The following NAA30 variants were observed in gnomAD, a reference collection of about 807,000 sequenced individuals.
NAA30 encodes the protein N-alpha-acetyltransferase 30, NatC catalytic subunit, also known as N-alpha-acetyltransferase 30.
NAA30 carries 5 observed loss-of-function variants against 31.4 expected under a neutral mutation model. The observed-to-expected ratio is 0.16, with a 90% CI of 0.08 to 0.33. The LOEUF (loss-of-function observed/expected upper bound fraction) is 0.33, where lower values mean the gene tolerates loss of function less well. NAA30 is among the 10% of genes least tolerant of loss of function. The pLI is 1.00. For synonymous variants in NAA30, 222 were observed against 207.1 expected (o/e 1.07, Z -0.62); for missense variants, 428 against 490.8 (o/e 0.87, Z 1.21).
chr14:57,409,082 TC>T (rs1161660884), intron 4 of NAA30, among the ~76,000 whole-genome samples: 1 of 152,152 alleles, frequency 6.6e-6, no homozygotes, highest in African/African-American at 2.4e-5. Flanking sequence ...ATTTTACCTT[TC>T]CCCACAGGGA....
rs1385193894 is a variant in NAA30 at position 57,415,243 on chromosome 14, CTT to C, written c.*5730_*5731del. On this transcript the variant is annotated 3_prime_UTR_variant, in exon 5 of 5. Transcript: ENST00000556492. ...AAATTTCTTAAAAACGTTTATAAGA[CTT>C]TTCTGGTCTCCTTGACCGAGGGATT... 6 of 152,178 alleles carry C rather than the reference CTT, an allele frequency of 3.9e-5. No homozygotes were observed. The highest frequency in any genetic ancestry group is 1.4e-4 in the African/African-American group (6 of 41,438). 9.4% of individuals were successfully genotyped at this position (152,178 alleles called of 1,614,324 possible). A position where few individuals can be genotyped will look rare whatever the true frequency, so the allele number is the denominator to read the frequency against.
At position 57,391,069 on chromosome 14, in the gene NAA30, T is replaced by C. The variant is rs1343848716; in HGVS notation, c.112T>C (p.Cys38Arg). ...CCCGGCGGGGGCCGCCCTCGCCTGC[T>C]GCAGCGAGGACGAGGAGGACGACGA... ...PFPAGAALAC[C>R]SEDEEDDEEH... Residue 38 changes from cysteine (C) to arginine (R), a missense_variant, in exon 2 of 5, where the codon TGC becomes CGC. Cys to Arg is a radical substitution (Grantham distance 180, BLOSUM62 -3). Around this residue, in one of 2 missense-constraint regions of NAA30, gnomAD observed 349 missense variants for 310.4 expected, o/e 1.12. Transcript: ENST00000556492. The surrounding 1 kb of genome is among the most constrained non-coding windows in gnomAD (Gnocchi z 4.1). 2 of 1,533,354 alleles carry C rather than the reference T, an allele frequency of 1.3e-6. No homozygotes were observed. Among genetic ancestry groups the C allele is most frequent in the Non-Finnish European group, 1.7e-6 (2 of 1,145,496 alleles). The allele number at this position is 1,533,354 out of a possible 1,614,324, so 95.0% of individuals were successfully genotyped here. A position where few individuals can be genotyped will look rare whatever the true frequency, so the allele number is the denominator to read the frequency against.
Position 57,391,833 on chromosome 14 carries a change from T to TCA in NAA30, c.771+106_771+107dup. 1.2e-6 allele frequency: 1 copy of TCA among 831,328 alleles called. No individual in the cohort carries two copies. The highest frequency in any genetic ancestry group is 1.9e-6 in the Non-Finnish European group (1 of 520,918). 51.5% of individuals were successfully genotyped at this position (831,328 alleles called of 1,614,324 possible). ...GGCAGTGGATATCTCCTGCTGCGTA[T>TCA]CATAGTACGTTATATGATGTCAAGT... On this transcript the variant is annotated intron_variant, in intron 2 of 4. Coordinates refer to ENST00000556492, the MANE Select transcript of NAA30 (RefSeq NM_001011713.3). The surrounding 1 kb of genome is among the most constrained non-coding windows in gnomAD (Gnocchi z 4.1).
chr14:57,406,432 C>A (rs1223991141), intron 4 of NAA30, among the ~76,000 whole-genome samples: 1 of 152,142 alleles, frequency 6.6e-6, no homozygotes, highest in Non-Finnish European at 1.5e-5. Flanking sequence ...GGGGGAGGTA[C>A]AGTAGAGTAG....
intron 3 of NAA30, among the ~76,000 whole-genome samples, chr14:57,398,963 G>A (rs1039606312): frequency 1.3e-5 from 2 of 151,802 alleles, no homozygotes; most frequent in African/African-American, 2.4e-5. Flanking sequence ...GTAGAGATGG[G>A]GTTTTGCCAT....
chr14:57,400,634 C>T (rs1478046807), intron 4 of NAA30, among the ~76,000 whole-genome samples: 1 of 152,004 alleles, frequency 6.6e-6, no homozygotes, highest in East Asian at 1.9e-4. Flanking sequence ...GTCAGATGTG[C>T]CTTAGAGAAT....
At chr14:57,404,337 AAG>A (rs1393663907) in intron 4 of NAA30, among the ~76,000 whole-genome samples, 2 of 152,136 alleles carry the variant, frequency 1.3e-5, no homozygotes, top group East Asian at 3.9e-4. Flanking sequence ...CACACACAAA[AAG>A]AGTTTTTAGG....
At chr14:57,399,374 G>T (rs2066464239) in intron 3 of NAA30, among the ~76,000 whole-genome samples, 1 of 152,210 alleles carries the variant, frequency 6.6e-6, no homozygotes, top group African/African-American at 2.4e-5. Context: ...GTGGGTAACA[G>T]CAGTTCTGAT....
At chr14:57,401,415 T>C (rs938024219) in intron 4 of NAA30, among the ~76,000 whole-genome samples, 1 of 152,226 alleles carries the variant, frequency 6.6e-6, no homozygotes, top group Non-Finnish European at 1.5e-5. Context: ...TCACAGCTTT[T>C]AATATTATAA....
chr14:57,409,336 A>T, intron 4 of NAA30, 43 bp from the exon 5 acceptor site: 1 of 1,456,034 alleles, frequency 6.9e-7, no homozygotes, highest in Non-Finnish European at 9.2e-7. Flanking sequence ...TTATTTTTTA[A>T]ATTGTGTAAT....
rs747093233 is a variant in NAA30 at position 57,391,143 on chromosome 14, G to C, written c.186G>C (p.Ala62=). The C allele has an allele frequency of 3.1e-6, 5 of 1,588,018 alleles. No homozygotes were observed. Among genetic ancestry groups the C allele is most frequent in the Non-Finnish European group, 4.3e-6 (5 of 1,170,702 alleles). The change falls in exon 2 of 5, where the codon GCG becomes GCC. Residue 62 remains alanine (A), a synonymous_variant. Coordinates refer to ENST00000556492, the MANE Select transcript of NAA30 (RefSeq NM_001011713.3). This position sits in a 1 kb window ranked among gnomAD's most constrained non-coding sequence, Gnocchi z 4.1. ...GSRSPAGGES[A]TVAAKGHPCL... ...GGAGCCCGGCGGGCGGAGAGTCGGC[G>C]ACGGTGGCGGCCAAGGGGCATCCGT...
At chr14:57,400,371 G>C (rs946428078) in intron 4 of NAA30, among the ~76,000 whole-genome samples, 2 of 152,176 alleles carry the variant, frequency 1.3e-5, no homozygotes, top group Non-Finnish European at 2.9e-5. Flanking sequence ...TCTCTCTTCA[G>C]CTTGTTTGTA....
Position 57,391,038 on chromosome 14 carries a change from T to C in NAA30, c.81T>C (p.Cys27=), listed in dbSNP as rs754617174. ...PPAPAAVEPR[C]PFPAGAALAC... is the part of the protein sequence containing the mutation. ...CCCCGGCGGCGGTCGAGCCCCGCTG[T>C]CCCTTCCCGGCGGGGGCCGCCCTCG... Residue 27 remains cysteine (C), a synonymous_variant, in exon 2 of 5, where the codon TGT becomes TGC. Coordinates refer to ENST00000556492, the MANE Select transcript of NAA30 (RefSeq NM_001011713.3). The surrounding 1 kb of genome is among the most constrained non-coding windows in gnomAD (Gnocchi z 4.1). The C allele has an allele frequency of 6.0e-6, 9 of 1,512,544 alleles. No individual in the cohort carries two copies. The highest frequency in any genetic ancestry group is 1.3e-5 in the South Asian group (1 of 74,554). The allele number at this position is 1,512,544 out of a possible 1,614,324, so 93.7% of individuals were successfully genotyped here.
At chr14:57,400,669 A>C (rs1001998485) in intron 4 of NAA30, among the ~76,000 whole-genome samples, 1 of 152,196 alleles carries the variant, frequency 6.6e-6, no homozygotes, top group Admixed American at 6.5e-5. Flanking sequence ...AAATTGGGTA[A>C]GTTTTTTTAA....
intron 4 of NAA30, among the ~76,000 whole-genome samples, chr14:57,408,888 A>G (rs898689038): frequency 6.6e-6 from 1 of 152,230 alleles, no homozygotes; most frequent in Non-Finnish European, 1.5e-5. Context: ...CCCAAAGTCT[A>G]TAGTTTGCAG....
rs2139770779 is a variant in NAA30 at position 57,415,268 on chromosome 14, A to G, written c.*5752A>G. 1 of 152,250 alleles carries G rather than the reference A, an allele frequency of 6.6e-6. No homozygotes were observed. The highest frequency in any genetic ancestry group is 1.9e-4 in the East Asian group (1 of 5,170). 9.4% of individuals were successfully genotyped at this position (152,250 alleles called of 1,614,324 possible). Reference sequence around the variant, plus strand: ...CTTTTCTGGTCTCCTTGACCGAGGGATTTTAGTATAAGTATTTAGTGAGAT... The same window carrying G: ...CTTTTCTGGTCTCCTTGACCGAGGGGTTTTAGTATAAGTATTTAGTGAGAT... On this transcript the variant is annotated 3_prime_UTR_variant, in exon 5 of 5. Coordinates refer to ENST00000556492, the MANE Select transcript of NAA30 (RefSeq NM_001011713.3).
rs2066514836 is a variant in NAA30, at chr14:57,409,616, C to T, written c.*100C>T. The stretch of plus-strand genomic sequence containing the variant: ...CTTTGCAGGTGGATTTAGTAATTTC[C>T]ATGCAGCTCTTACCTGTCAGTGTCT... On this transcript the variant is annotated 3_prime_UTR_variant, in exon 5 of 5. Coordinates refer to ENST00000556492, the MANE Select transcript of NAA30 (RefSeq NM_001011713.3). 7 of 1,207,716 alleles carry T rather than the reference C, an allele frequency of 5.8e-6. No individual in the cohort carries two copies. The South Asian group carries it at 1.1e-4, about 19-fold the overall frequency. 74.8% of individuals were successfully genotyped at this position (1,207,716 alleles called of 1,614,324 possible).
chr14:57,409,678 T>C lies in NAA30; in HGVS notation c.*162T>C. 1.7e-6 allele frequency: 1 copy of C among 580,992 alleles called. No individual in the cohort carries two copies. The highest frequency in any genetic ancestry group is 2.7e-6 in the Non-Finnish European group (1 of 367,356). 36.0% of individuals were successfully genotyped at this position (580,992 alleles called of 1,614,324 possible). A position where few individuals can be genotyped will look rare whatever the true frequency, so the allele number is the denominator to read the frequency against. ...GCACAATATTTGTTGCACTTTGGCATGGCACATTTGTTCTGAATTAAAAGA... is the reference window on the plus strand; with the variant it reads ...GCACAATATTTGTTGCACTTTGGCACGGCACATTTGTTCTGAATTAAAAGA... On this transcript the variant is annotated 3_prime_UTR_variant, in exon 5 of 5. Coordinates refer to ENST00000556492, the MANE Select transcript of NAA30 (RefSeq NM_001011713.3).
intron 3 of NAA30, among the ~76,000 whole-genome samples, chr14:57,397,234 T>C (rs1356133782): frequency 6.6e-6 from 1 of 152,168 alleles, no homozygotes; most frequent in African/African-American, 2.4e-5. Flanking sequence ...TTCAAGCACT[T>C]GTCTGTATTT....
Sources: gnomAD v4.1 joint callset for allele counts (sites outside exome capture counted in the v4.1 genomes callset) on GRCh38, gnomAD v4.1.1 for gene constraint, gnomAD v4.1.1 regional missense constraint, Gnocchi (gnomAD v3.1) non-coding constraint, MANE v1.5 for transcripts, NCBI Gene and HGNC (gene_info 2026-07-23, HGNC 2026-07-21) for gene names.